DNAH11: variants seen among roughly 807,000 people sequenced by gnomAD.
DNAH11 encodes dynein axonemal heavy chain 11, also known as axonemal beta dynein heavy chain 11.
In DNAH11, 442 loss-of-function variants were observed where a neutral mutation model predicts 526.0. The observed-to-expected ratio is 0.84, with a 90% CI of 0.78 to 0.91. The LOEUF is 0.91. Among genes scored for constraint, DNAH11 ranks in the 40% least tolerant of loss-of-function variants. The probability of loss-of-function intolerance (pLI) is 0.00; values close to 1 mark genes in which losing one functional copy is unlikely to be tolerated. For synonymous variants in DNAH11, 2,461 were observed against 1,935.9 expected (o/e 1.27, Z -7.12); for missense variants, 6,989 against 5,448.7 (o/e 1.28, Z -8.90).
chr7:21,807,105 T>A (rs569902212), intron 62 of DNAH11, among the ~76,000 whole-genome samples: 1 of 152,204 alleles, frequency 6.6e-6, no homozygotes, highest in Non-Finnish European at 1.5e-5. Flanking sequence ...TTGTCTGTAA[T>A]CAGACCATTG....
intron 11 of DNAH11, 53 bp from the exon 12 acceptor site, chr7:21,589,155 C>A: frequency 7.4e-7 from 1 of 1,347,936 alleles, no homozygotes; most frequent in Non-Finnish European, 1.0e-6. Context: ...AATTATTAAG[C>A]GGAAATCTAT....
chr7:21,813,553 C>T (rs1207529290), intron 63 of DNAH11, among the ~76,000 whole-genome samples: 2 of 152,184 alleles, frequency 1.3e-5, no homozygotes, highest in Non-Finnish European at 2.9e-5. Flanking sequence ...GGAAATTACC[C>T]TTTTTTCTTA....
At chr7:21,581,670 G>A (rs578092647) in intron 8 of DNAH11, among the ~76,000 whole-genome samples, 12 of 152,278 alleles carry the variant, frequency 7.9e-5, no homozygotes, top group Non-Finnish European at 1.6e-4. Flanking sequence ...GAAAAGAATC[G>A]GGAAAGCATA....
chr7:21,757,729 C>A (rs981816766), intron 54 of DNAH11, among the ~76,000 whole-genome samples: 1 of 152,150 alleles, frequency 6.6e-6, no homozygotes, highest in Non-Finnish European at 1.5e-5. Flanking sequence ...GCTCACACAG[C>A]GTCATGTGCA....
intron 25 of DNAH11, 50 bp from the exon 26 acceptor site, chr7:21,635,819 TCA>T: frequency 6.8e-7 from 1 of 1,460,226 alleles, no homozygotes; most frequent in African/African-American, 1.4e-5. Flanking sequence ...CTCATAGCAC[TCA>T]CATTCTACTA....
chr7:21,647,739 A>C (rs1005188519), intron 28 of DNAH11, among the ~76,000 whole-genome samples: 16 of 152,094 alleles, frequency 1.1e-4, no homozygotes, highest in Non-Finnish European at 2.2e-4. Context: ...CCTACAGTGG[A>C]GTAGCAGTTT....
intron 56 of DNAH11, among the ~76,000 whole-genome samples, chr7:21,775,854 C>G (rs1018922270): frequency 1.3e-5 from 2 of 152,150 alleles, no homozygotes; most frequent in African/African-American, 4.8e-5. Context: ...CCGTCCTAAA[C>G]TGAACCTGTT....
intron 68 of DNAH11, 25 bp downstream of exon 68, chr7:21,854,480 A>G: frequency 1.9e-6 from 3 of 1,606,020 alleles, no homozygotes; most frequent in Non-Finnish European, 1.7e-6. Flanking sequence ...GCTAAGAAAT[A>G]TGGGAAACTT....
intron 66 of DNAH11, chr7:21,851,622 C>T (rs1402798794): frequency 2.1e-6 from 1 of 470,866 alleles, no homozygotes. Context: ...ACTGTAAGAA[C>T]CGGATGGCAT....
In DNAH11 at chr7:21,690,844, C is replaced by A. The variant is rs373844629; in HGVS notation, c.6004C>A (p.Arg2002=). The change falls in exon 35 of 82, where the codon CGA becomes AGA. Residue 2002 remains arginine (R), a synonymous_variant. Coordinates refer to ENST00000409508, the MANE Select transcript of DNAH11 (RefSeq NM_001277115.2). ...TACTATGAACCCGGGTTATGCTGGTCGAACCGAATTACCGGAAAATCTCAA... is the reference window on the plus strand; with the variant it reads ...TACTATGAACCCGGGTTATGCTGGTAGAACCGAATTACCGGAAAATCTCAA... ...FITMNPGYAG[R]TELPENLKAL... 3.7e-6 allele frequency: 6 copies of A among 1,612,576 alleles called. No homozygotes were observed. The highest frequency in any genetic ancestry group is 4.2e-6 in the Non-Finnish European group (5 of 1,179,410).
chr7:21,698,477 T>G (rs1416354608), intron 36 of DNAH11, among the ~76,000 whole-genome samples: 1 of 152,108 alleles, frequency 6.6e-6, no homozygotes, highest in Non-Finnish European at 1.5e-5. Context: ...ACCTCCCACC[T>G]TTTCTCCCAA....
rs72658826 is a variant in DNAH11, at chr7:21,894,930, T to C, written c.12980T>C (p.Leu4327Ser). 6.2e-7 allele frequency: 1 copy of C among 1,613,988 alleles called. No homozygotes were observed. The highest frequency in any genetic ancestry group is 8.5e-7 in the Non-Finnish European group (1 of 1,179,888). ...GCTGTGGAAGCCCAGCAGTTTGCAT[T>C]GAGTTATGACACGGTACCAGACACT... The part of the protein sequence containing the change: ...SPAVEAQQFA[L>S]SYDTVPDTWS... Residue 4327 changes from leucine to serine, a missense_variant, in exon 79 of 82, where the codon TTG becomes TCG. Coordinates refer to ENST00000409508, the MANE Select transcript of DNAH11 (RefSeq NM_001277115.2).
chr7:21,811,726 T>A (rs1482471761), intron 63 of DNAH11, among the ~76,000 whole-genome samples: 2 of 152,192 alleles, frequency 1.3e-5, no homozygotes, highest in Non-Finnish European at 2.9e-5. Flanking sequence ...AAATTTTATG[T>A]TAAGTATATT....
chr7:21,610,151 G>A (rs549744030), intron 20 of DNAH11, among the ~76,000 whole-genome samples: 5 of 152,254 alleles, frequency 3.3e-5, no homozygotes, highest in African/African-American at 1.2e-4. Context: ...CTACTCGGGA[G>A]GCTGAGGCAG....
intron 70 of DNAH11, among the ~76,000 whole-genome samples, chr7:21,865,531 C>T (rs1480764549): frequency 1.3e-5 from 2 of 152,130 alleles, no homozygotes; most frequent in Non-Finnish European, 2.9e-5. Context: ...AGGAAAAGGA[C>T]AGTTACTGGA....
intron 62 of DNAH11, 86 bp downstream of exon 62, chr7:21,801,361 A>G (rs527577522): frequency 2.6e-6 from 4 of 1,518,864 alleles, no homozygotes; most frequent in Admixed American, 3.9e-5. Context: ...TAATAACTAA[A>G]TAGACATGGA....
intron 8 of DNAH11, among the ~76,000 whole-genome samples, chr7:21,576,385 C>T (rs2128438986): frequency 6.6e-6 from 1 of 152,272 alleles, no homozygotes; most frequent in South Asian, 2.1e-4. Context: ...AGGGACTGTT[C>T]TTGGGGTTGT....
intron 43 of DNAH11, among the ~76,000 whole-genome samples, chr7:21,719,030 C>A (rs1423570682): frequency 1.3e-5 from 2 of 152,092 alleles, no homozygotes; most frequent in African/African-American, 4.8e-5. Flanking sequence ...TTATCGTGTT[C>A]TTTCTCAAGT....
At chr7:21,875,792 T>C (rs760167002) in intron 74 of DNAH11, among the ~76,000 whole-genome samples, 24 of 152,184 alleles carry the variant, frequency 1.6e-4, no homozygotes, top group Non-Finnish European at 2.4e-4. Context: ...GTCAATTCTT[T>C]TGACTGCTAT....
Sources: allele counts gnomAD v4.1 joint callset (sites outside exome capture counted in the v4.1 genomes callset), GRCh38; gene constraint gnomAD v4.1.1; transcripts MANE v1.5; gene names NCBI Gene and HGNC (gene_info 2026-07-23, HGNC 2026-07-21).